Variants in OPA1 observed in about 807,000 individuals in gnomAD.
OPA1 encodes the protein dynamin-like GTPase OPA1, mitochondrial.
In OPA1, 59 loss-of-function variants were observed where a neutral mutation model predicts 152.9. The ratio of observed to expected loss-of-function variants is 0.39; its 90% CI spans 0.31 to 0.48. The LOEUF (loss-of-function observed/expected upper bound fraction) is 0.48, where lower values mean the gene tolerates loss of function less well. Among genes scored for constraint, OPA1 ranks in the 20% least tolerant of loss-of-function variants. The pLI, the probability that OPA1 is intolerant of heterozygous loss-of-function variation, is 0.96. For synonymous variants in OPA1, 400 were observed against 389.9 expected (o/e 1.03, Z -0.31); for missense variants, 1,008 against 1,216.8 (o/e 0.83, Z 2.55).
chr3:193,676,170 A>G (rs1045238828), intron 29 of OPA1, among the ~76,000 whole-genome samples: 3 of 152,240 alleles, frequency 2.0e-5, no homozygotes, highest in Non-Finnish European at 4.4e-5. Context: ...TCATTGGAAT[A>G]CATTCAAGTA....
At chr3:193,657,047 T>A (rs1434761973) in intron 22 of OPA1, 33 bp from the exon 23 acceptor site, 1 of 1,589,158 alleles carries the variant, frequency 6.3e-7, no homozygotes, top group South Asian at 1.1e-5. Context: ...TATGTAGTAA[T>A]AATATGGCTT....
At chr3:193,683,792 A>G (rs1244878067) in intron 29 of OPA1, among the ~76,000 whole-genome samples, 8 of 152,364 alleles carry the variant, frequency 5.3e-5, no homozygotes, top group Admixed American at 3.3e-4. Flanking sequence ...ACATAATGCT[A>G]TTACACACTT....
intron 21 of OPA1, among the ~76,000 whole-genome samples, chr3:193,654,551 A>G (rs574000717): frequency 2.4e-4 from 37 of 152,288 alleles, no homozygotes; most frequent in Admixed American, 3.9e-4. Flanking sequence ...ATGAACCTCA[A>G]AATAATTATG....
chr3:193,677,908 G>A (rs1430543306), intron 29 of OPA1, among the ~76,000 whole-genome samples: 1 of 152,176 alleles, frequency 6.6e-6, no homozygotes, highest in East Asian at 1.9e-4. Context: ...GTTGCTCATC[G>A]TGATACCATC....
chr3:193,594,401 G>C (rs1341529769), intron 1 of OPA1, among the ~76,000 whole-genome samples: 2 of 152,116 alleles, frequency 1.3e-5, no homozygotes, highest in East Asian at 3.8e-4. Context: ...TTTTTGTTTT[G>C]TTTTGAGACG....
chr3:193,637,166 T>C, intron 9 of OPA1, 29 bp from the exon 10 acceptor site: 2 of 1,284,616 alleles, frequency 1.6e-6, no homozygotes, highest in Non-Finnish European at 2.2e-6. Context: ...TTTACTGTTT[T>C]ATATTATAAC....
At chr3:193,633,780 A>T (rs1732484954) in intron 8 of OPA1, among the ~76,000 whole-genome samples, 1 of 152,224 alleles carries the variant, frequency 6.6e-6, no homozygotes. Flanking sequence ...ACTTCAGGCC[A>T]GCCACATTTC....
At chr3:193,694,278 C>G (rs1722049335) in intron 30 of OPA1, among the ~76,000 whole-genome samples, 1 of 152,216 alleles carries the variant, frequency 6.6e-6, no homozygotes, top group South Asian at 2.1e-4. Flanking sequence ...TACCAAGGAC[C>G]CTAAGGAATA....
chr3:193,611,628 C>G (rs12638878), intron 1 of OPA1, among the ~76,000 whole-genome samples: 1 of 146,428 alleles, frequency 6.8e-6, no homozygotes, highest in South Asian at 2.1e-4. Flanking sequence ...AAAAGTTCAG[C>G]TAAGGCCACC....
intron 1 of OPA1, among the ~76,000 whole-genome samples, chr3:193,599,053 G>C (rs1008866617): frequency 6.6e-6 from 1 of 152,142 alleles, no homozygotes; most frequent in Admixed American, 6.5e-5. Context: ...GCGAGTATCT[G>C]CCTTTCCCTT....
intron 29 of OPA1, among the ~76,000 whole-genome samples, chr3:193,690,864 A>G (rs1225640495): frequency 6.6e-6 from 1 of 152,174 alleles, no homozygotes; most frequent in Non-Finnish European, 1.5e-5. Flanking sequence ...TTCCACTAAT[A>G]TGTTAAATTA....
intron 1 of OPA1, among the ~76,000 whole-genome samples, chr3:193,602,892 T>C (rs1357458954): frequency 6.6e-6 from 1 of 152,236 alleles, no homozygotes; most frequent in Non-Finnish European, 1.5e-5. Context: ...GCATCAGCTT[T>C]CCTACATGGG....
chr3:193,687,815 A>G (rs1017521325), intron 29 of OPA1, among the ~76,000 whole-genome samples: 1 of 152,236 alleles, frequency 6.6e-6, no homozygotes, highest in African/African-American at 2.4e-5. Flanking sequence ...TTTGTAATGT[A>G]GCTTTCTTGA....
chr3:193,661,527 C>T (rs1210579585), intron 25 of OPA1, among the ~76,000 whole-genome samples: 1 of 152,144 alleles, frequency 6.6e-6, no homozygotes, highest in South Asian at 2.1e-4. Context: ...CTAGGTCTCA[C>T]ATCGTAAGTT....
chr3:193,653,638 T>TA (rs1340562153), intron 21 of OPA1, among the ~76,000 whole-genome samples: 2 of 152,238 alleles, frequency 1.3e-5, no homozygotes, highest in African/African-American at 4.8e-5. Flanking sequence ...TTTACATTGT[T>TA]ACCTTAATCA....
chr3:193,601,193 T>A (rs1005490143), intron 1 of OPA1, among the ~76,000 whole-genome samples: 5 of 152,156 alleles, frequency 3.3e-5, no homozygotes, highest in African/African-American at 1.2e-4. Context: ...TCCGTACAAA[T>A]GGTACTTCAC....
At chr3:193,643,320 G>A (rs1222263731) in intron 13 of OPA1, 53 bp from the exon 14 acceptor site, 1 of 1,454,246 alleles carries the variant, frequency 6.9e-7, no homozygotes, top group East Asian at 2.3e-5. Flanking sequence ...AAAAATTCTT[G>A]ACAAATTCCC....
At chr3:193,680,300 A>G (rs1382132406) in intron 29 of OPA1, among the ~76,000 whole-genome samples, 1 of 152,220 alleles carries the variant, frequency 6.6e-6, no homozygotes, top group African/African-American at 2.4e-5. Context: ...TTAAAGCTTC[A>G]GCACTGAAGG....
intron 5 of OPA1, chr3:193,618,502 G>GAA: frequency 5.2e-6 from 1 of 192,468 alleles, no homozygotes; most frequent in Non-Finnish European, 1.1e-5. Context: ...AAAAAGAAAA[G>GAA]AAAAAAAAAT....
Sources: gnomAD v4.1 joint callset for allele counts (sites outside exome capture counted in the v4.1 genomes callset) on GRCh38, gnomAD v4.1.1 for gene constraint, MANE v1.5 for transcripts, NCBI Gene and HGNC (gene_info 2026-07-23, HGNC 2026-07-21) for gene names.